ARHGEF11: variants seen among roughly 807,000 people sequenced by gnomAD.
ARHGEF11 encodes the protein Rho guanine nucleotide exchange factor 11.
In ARHGEF11, 55 loss-of-function variants were observed where a neutral mutation model predicts 193.7. The ratio of observed to expected loss-of-function variants is 0.28; its 90% confidence interval spans 0.23 to 0.36. The LOEUF (loss-of-function observed/expected upper bound fraction) is 0.36, where lower values mean the gene tolerates loss of function less well. Among genes scored for constraint, ARHGEF11 ranks in the 10% least tolerant of loss-of-function variants. The probability of loss-of-function intolerance (pLI) is 1.00; values close to 1 mark genes in which losing one functional copy is unlikely to be tolerated. For missense variants in ARHGEF11, 1,723 were observed against 2,005.6 expected (o/e 0.86, Z 2.69); for synonymous variants, 693 against 768.0 (o/e 0.90, Z 1.62).
chr1:156,943,852 C>A, intron 32 of ARHGEF11, 83 bp downstream of exon 32: 2 of 1,505,604 alleles, frequency 1.3e-6, no homozygotes, highest in Non-Finnish European at 1.8e-6. Context: ...CCTGTAAAGG[C>A]TCCAGACTGG....
At chr1:156,949,308 C>G (rs946199281) in intron 22 of ARHGEF11, among the ~76,000 whole-genome samples, 6 of 152,140 alleles carry the variant, frequency 3.9e-5, no homozygotes, top group Non-Finnish European at 5.9e-5. Context: ...CAGCCCAAGA[C>G]AGCTGGCACC....
chr1:156,946,066 T>G lies in ARHGEF11; in HGVS notation c.2791A>C (p.Ser931Arg). The change falls in exon 29 of 41, where the codon AGC becomes CGC. Residue 931 changes from serine (S) to arginine (R), a missense_variant. Ser to Arg is a moderately radical substitution (Grantham distance 110, BLOSUM62 -1). Around this residue, in one of 5 missense-constraint regions of ARHGEF11, gnomAD observed 491 missense variants for 654.5 expected, o/e 0.75. Transcript: ENST00000368194. The stretch of plus-strand genomic sequence containing the variant: ...CTACCCTCTGTGTGCTTGATGATGC[T>G]CTCCAGCAGCAGCGGGTACTTGGTG... ...RLTKYPLLLE[S>R]IIKHTEGGTS... is the part of the protein sequence containing the mutation. 1.2e-6 allele frequency: 2 copies of G among 1,613,432 alleles called. No homozygotes were observed. Among genetic ancestry groups the G allele is most frequent in the Non-Finnish European group, 1.7e-6 (2 of 1,179,790 alleles).
rs751198871 is a variant in ARHGEF11, at chr1:156,947,296, C to T, written c.2488+8G>A. On this transcript the variant is annotated splice_region_variant and intron_variant, in intron 26 of 40. Transcript: ENST00000368194. ...GAAGAGGAGTCTGGAGGGGCACAGG[C>T]TCCTTACTGTGAATCTCTATGAGTT... The T allele has an allele frequency of 3.8e-6, 6 of 1,597,444 alleles. No homozygotes were observed. The East Asian group carries it at 6.7e-5, about 18-fold the overall frequency.
intron 1 of ARHGEF11, among the ~76,000 whole-genome samples, chr1:157,025,538 G>A (rs574294481): frequency 6.6e-6 from 1 of 152,098 alleles, no homozygotes; most frequent in Non-Finnish European, 1.5e-5. Context: ...CTGAACATGC[G>A]GGTTCCTAGC....
At position 156,954,380 on chromosome 1, in the gene ARHGEF11, C is replaced by CAAA. The variant is rs559848711; in HGVS notation, c.1798+509_1798+511dup. On this transcript the variant is annotated intron_variant, in intron 21 of 40. Transcript: ENST00000368194. ...GGGCCACAGAGTGAAACTGTGTCTC[C>CAAA]AAAAAAAAAAAAAAAAAAAAAAAAA... 8.0e-4 allele frequency among the ~76,000 whole-genome samples: 60 copies of CAAA among 75,154 alleles called. 10 individuals are homozygous for CAAA. The highest frequency in any genetic ancestry group is 9.3e-3 in the Middle Eastern group (1 of 108). 49.3% of individuals were successfully genotyped at this position (75,154 alleles called of 152,430 possible).
chr1:157,030,121 C>T (rs1187538847), intron 1 of ARHGEF11, among the ~76,000 whole-genome samples: 3 of 152,122 alleles, frequency 2.0e-5, no homozygotes, highest in Non-Finnish European at 4.4e-5. Context: ...ACTGTACACT[C>T]TAAAGCAGTA....
intron 38 of ARHGEF11, among the ~76,000 whole-genome samples, 173 bp downstream of exon 38, chr1:156,938,245 C>T (rs945795421): frequency 6.6e-6 from 1 of 152,170 alleles, no homozygotes; most frequent in African/African-American, 2.4e-5. Flanking sequence ...GGACAGCCAG[C>T]CTTTAGAACC....
At chr1:156,960,206 G>A (rs1470553299) in intron 15 of ARHGEF11, among the ~76,000 whole-genome samples, 1 of 152,180 alleles carries the variant, frequency 6.6e-6, no homozygotes. Context: ...CCCCCCGGCA[G>A]AGTGAGCGCC....
At chr1:156,978,114 G>A in intron 6 of ARHGEF11, 90 bp downstream of exon 6, 2 of 1,548,454 alleles carry the variant, frequency 1.3e-6, no homozygotes, top group South Asian at 1.2e-5. Flanking sequence ...GTTTACCACA[G>A]CCCCACTGGA....
At position 157,040,963 on chromosome 1, in the gene ARHGEF11, T is replaced by A. The variant is rs889977520; in HGVS notation, c.32+3336A>T. On this transcript the variant is annotated intron_variant, in intron 1 of 40. Transcript: ENST00000368194. ...AGAAATGAACTACTACTGCTTTACA[T>A]GAGGAAGCCAGAGGAGGCATGTGAC... Among the ~76,000 whole-genome samples, 8 of 152,304 alleles carry A rather than the reference T, an allele frequency of 5.3e-5. No homozygotes were observed. The South Asian group carries it at 1.7e-3, about 32-fold the overall frequency.
At chr1:157,032,066 T>C (rs931502490) in intron 1 of ARHGEF11, among the ~76,000 whole-genome samples, 1 of 152,218 alleles carries the variant, frequency 6.6e-6, no homozygotes. Context: ...GACATTTCTC[T>C]TATGTATGAC....
At chr1:157,007,379 C>T (rs1398843087) in intron 1 of ARHGEF11, among the ~76,000 whole-genome samples, 1 of 152,082 alleles carries the variant, frequency 6.6e-6, no homozygotes, top group Non-Finnish European at 1.5e-5. Context: ...ATTTAAACAT[C>T]AGATCGTCTT....
chr1:157,004,238 A>G (rs562696764), intron 1 of ARHGEF11, among the ~76,000 whole-genome samples: 1 of 152,360 alleles, frequency 6.6e-6, no homozygotes, highest in East Asian at 1.9e-4. Context: ...CCTCTCGTTC[A>G]GTTCCAAAGG....
chr1:156,972,101 A>G lies in ARHGEF11; in HGVS notation c.583-285T>C, dbSNP rs1302568212. ...CTTCAAGGTCTGCCTTAAGTCCCAC[A>G]TCCCAAATGAGGCCTTCTTCAGCTA... On this transcript the variant is annotated intron_variant, in intron 7 of 40. Transcript: ENST00000368194. Among the ~76,000 whole-genome samples, 3 of 152,240 alleles carry G rather than the reference A, an allele frequency of 2.0e-5. No homozygotes were observed. In the East Asian group the frequency reaches 5.8e-4, roughly 29 times the overall value.
At chr1:157,019,999 C>T (rs964761984) in intron 1 of ARHGEF11, among the ~76,000 whole-genome samples, 3 of 151,768 alleles carry the variant, frequency 2.0e-5, no homozygotes, top group Non-Finnish European at 2.9e-5. Context: ...TGGTGGCGGG[C>T]GCCTGTAGTC....
In ARHGEF11 at chr1:156,978,307, G is replaced by A. The variant is rs756294527; in HGVS notation, c.407C>T (p.Pro136Leu). 1.9e-6 allele frequency: 3 copies of A among 1,614,124 alleles called. No individual in the cohort carries two copies. Among genetic ancestry groups the A allele is most frequent in the South Asian group, 2.2e-5 (2 of 91,074 alleles). The change falls in exon 6 of 41, where the codon CCA (proline) becomes CTA (leucine). Residue 136 changes from proline to leucine, a missense_variant. Pro to Leu is a moderately conservative substitution (Grantham distance 98). Around this residue, in one of 5 missense-constraint regions of ARHGEF11, gnomAD observed 646 missense variants for 710.7 expected, o/e 0.91. Coordinates refer to ENST00000368194, the MANE Select transcript of ARHGEF11 (RefSeq NM_198236.3). ...SMGISGLQQDPSPAGAPRITS... is the reference protein window; with the variant it reads ...SMGISGLQQDLSPAGAPRITS... ...GATTCGGGGAGCTCCTGCTGGGGAT[G>A]GGTCCTGCTGGAGCCCAGAGATGCC...
intron 1 of ARHGEF11, among the ~76,000 whole-genome samples, chr1:157,023,033 C>A (rs1043453990): frequency 2.6e-5 from 4 of 152,162 alleles, no homozygotes; most frequent in Non-Finnish European, 4.4e-5. Context: ...ATGAGTTAAA[C>A]TATGAAACTC....
At chr1:156,984,788 C>T (rs1176497466) in intron 2 of ARHGEF11, among the ~76,000 whole-genome samples, 1 of 152,008 alleles carries the variant, frequency 6.6e-6, no homozygotes, top group Non-Finnish European at 1.5e-5. Flanking sequence ...ACTAATATTA[C>T]CAATAAGGAG....
chr1:157,038,860 T>G (rs535099917), intron 1 of ARHGEF11, among the ~76,000 whole-genome samples: 2 of 152,058 alleles, frequency 1.3e-5, no homozygotes, highest in East Asian at 3.9e-4. Flanking sequence ...GAACCTCATA[T>G]CTACAAAAAT....
Sources: allele counts gnomAD v4.1 joint callset (sites outside exome capture counted in the v4.1 genomes callset), GRCh38; gene constraint gnomAD v4.1.1; regional missense constraint gnomAD v4.1.1; transcripts MANE v1.5; gene names NCBI Gene and HGNC (gene_info 2026-07-23, HGNC 2026-07-21).